TDRD9: variants seen among roughly 807,000 people sequenced by gnomAD.
TDRD9 encodes tudor domain containing 9, also known as ATP-dependent RNA helicase TDRD9.
Under a neutral mutation model 172.6 loss-of-function variants are expected in TDRD9, and 124 were observed. The ratio of observed to expected loss-of-function variants is 0.72; its 90% CI spans 0.62 to 0.83. TDRD9 has a LOEUF of 0.83. TDRD9 is among the 40% of genes least tolerant of loss of function. TDRD9 has a pLI of 0.00. For synonymous variants in TDRD9, 619 were observed against 617.1 expected, an observed-to-expected ratio of 1.00 and a Z score of -0.05; for missense variants, 1,479 against 1,714.1, an observed-to-expected ratio of 0.86 and a Z score of 2.42.
intron 6 of TDRD9, among the ~76,000 whole-genome samples, chr14:103,974,349 A>G (rs893069254): frequency 2.6e-5 from 4 of 152,158 alleles, no homozygotes; most frequent in Admixed American, 2.0e-4. Flanking sequence ...GACCCTCCAT[A>G]ATCAGCCACT....
intron 28 of TDRD9, among the ~76,000 whole-genome samples, chr14:104,027,741 T>C (rs2152247088): frequency 6.6e-6 from 1 of 152,310 alleles, no homozygotes; most frequent in African/African-American, 2.4e-5. Context: ...TTTTTGAAAA[T>C]ATACCTTATA....
intron 32 of TDRD9, among the ~76,000 whole-genome samples, chr14:104,035,799 G>A (rs1374154484): frequency 3.3e-5 from 5 of 152,176 alleles, no homozygotes; most frequent in Non-Finnish European, 2.9e-5. Flanking sequence ...AGCACTTCAA[G>A]AGTCGGGGGC....
At position 104,025,563 on chromosome 14, in the gene TDRD9, G is replaced by C; in HGVS notation, c.2719-1G>C. 3 of 1,612,956 alleles carry C rather than the reference G, an allele frequency of 1.9e-6. No homozygotes were observed. The highest frequency in any genetic ancestry group is 1.1e-5 in the South Asian group (1 of 90,940). On this transcript the variant is annotated splice_acceptor_variant, in intron 25 of 35. Transcript: ENST00000409874. LOFTEE classifies it high-confidence loss of function. ...TCTCTTCTCCTCCTCTTCCTTTTTA[G>C]GTGGTTGAAGTGGGACACTTTTGGG...
intron 13 of TDRD9, among the ~76,000 whole-genome samples, chr14:104,000,319 A>T (rs1416030786): frequency 7.1e-6 from 1 of 141,070 alleles, no homozygotes. Context: ...ACAGAATGAG[A>T]GCCCCGTCTC....
chr14:103,998,497 C>G (rs560799529), intron 12 of TDRD9, 127 bp from the exon 13 acceptor site: 1 of 651,786 alleles, frequency 1.5e-6, no homozygotes, highest in African/African-American at 1.8e-5. Flanking sequence ...CGTGGCCAAA[C>G]GTTTCTGCCT....
At chr14:104,043,087 C>T (rs981312665) in intron 34 of TDRD9, among the ~76,000 whole-genome samples, 6 of 151,856 alleles carry the variant, frequency 4.0e-5, no homozygotes, top group South Asian at 2.1e-4. Flanking sequence ...TGCAGTGGTG[C>T]GAGCATGGTT....
At chr14:104,043,784 A>G (rs1376313612) in intron 34 of TDRD9, among the ~76,000 whole-genome samples, 4 of 152,218 alleles carry the variant, frequency 2.6e-5, no homozygotes, top group East Asian at 3.8e-4. Flanking sequence ...CAGTCTGTCA[A>G]CACAACCTAG....
At chr14:104,022,659 G>A (rs901599134) in intron 24 of TDRD9, among the ~76,000 whole-genome samples, 3 of 151,906 alleles carry the variant, frequency 2.0e-5, no homozygotes, top group Admixed American at 6.6e-5. Context: ...CCCAGGAGGC[G>A]GAGGTTACAG....
intron 1 of TDRD9, among the ~76,000 whole-genome samples, chr14:103,942,955 TG>T (rs1340110271): frequency 7.4e-6 from 1 of 134,392 alleles, no homozygotes; most frequent in Non-Finnish European, 1.7e-5. Flanking sequence ...AGGCAGTAAT[TG>T]GTTGTCAGGG....
rs72714922 is a variant in TDRD9 at position 104,048,790 on chromosome 14, T to A, written c.3975-818T>A. ...CCCCAAGCAGGATGTGGCGTGAGGC[T>A]GGAAAGCTATGGGCTTTCCCCATCT... On this transcript the variant is annotated intron_variant, in intron 34 of 35. Coordinates refer to ENST00000409874, the MANE Select transcript of TDRD9 (RefSeq NM_153046.3). Among the ~76,000 whole-genome samples, 1,111 of 152,318 alleles carry A rather than the reference T, an allele frequency of 7.3e-3. 7 individuals are homozygous for A. The highest frequency in any genetic ancestry group is 0.011 in the Admixed American group (168 of 15,296).
chr14:103,941,155 C>T (rs930225846), intron 1 of TDRD9: 1 of 1,335,284 alleles, frequency 7.5e-7, no homozygotes, highest in Admixed American at 2.3e-5. Flanking sequence ...TTTGTTATAT[C>T]TCTTTATCTC....
chr14:104,006,915 C>T (rs2034458979), intron 18 of TDRD9, 70 bp downstream of exon 18: 3 of 1,328,792 alleles, frequency 2.3e-6, no homozygotes, highest in East Asian at 2.4e-5. Flanking sequence ...ATACCACAAA[C>T]ATATGAGGTA....
At chr14:104,046,007 A>G (rs2140931514) in intron 34 of TDRD9, among the ~76,000 whole-genome samples, 1 of 152,294 alleles carries the variant, frequency 6.6e-6, no homozygotes, top group Non-Finnish European at 1.5e-5. Context: ...CCCAGGCTGG[A>G]GTACAGTGGT....
intron 19 of TDRD9, among the ~76,000 whole-genome samples, chr14:104,007,492 C>T (rs1008593710): frequency 6.6e-6 from 1 of 152,208 alleles, no homozygotes; most frequent in African/African-American, 2.4e-5. Flanking sequence ...ATGGTGTCTG[C>T]AGCCTCTTTG....
At chr14:103,952,201 TATATATATATATATATATA>T (rs1404429438) in intron 1 of TDRD9, among the ~76,000 whole-genome samples, 1 of 76,230 alleles carries the variant, frequency 1.3e-5, no homozygotes, top group African/African-American at 6.7e-5. Flanking sequence ...TATATATATA[TATATATATATATATATATA>T]TTTTTTTTTT....
chr14:103,965,863 T>C (rs897180529), intron 4 of TDRD9, among the ~76,000 whole-genome samples: 2 of 152,002 alleles, frequency 1.3e-5, no homozygotes, highest in African/African-American at 4.8e-5. Flanking sequence ...GAGAATTGCT[T>C]GAACCCGGGA....
chr14:103,930,630 A>G (rs1329722192), intron 1 of TDRD9, among the ~76,000 whole-genome samples: 1 of 152,058 alleles, frequency 6.6e-6, no homozygotes, highest in African/African-American at 2.4e-5. Flanking sequence ...TGGTTCTTAG[A>G]GGCATAGGGG....
intron 9 of TDRD9, among the ~76,000 whole-genome samples, chr14:103,991,504 C>A (rs1170464240): frequency 6.6e-6 from 1 of 152,036 alleles, no homozygotes; most frequent in Non-Finnish European, 1.5e-5. Flanking sequence ...CCTCTGCCTC[C>A]CCGGTTCCAG....
At chr14:104,024,513 A>G in intron 24 of TDRD9, 56 bp from the exon 25 acceptor site, 2 of 925,976 alleles carry the variant, frequency 2.2e-6, no homozygotes, top group Non-Finnish European at 1.7e-6. Flanking sequence ...ACATATGTAA[A>G]TGTGTTTTCT....
Sources: gnomAD v4.1 joint callset for allele counts (sites outside exome capture counted in the v4.1 genomes callset) on GRCh38, gnomAD v4.1.1 for gene constraint, MANE v1.5 for transcripts, NCBI Gene and HGNC (gene_info 2026-07-23, HGNC 2026-07-21) for gene names.